CRISPLD2: variants seen among roughly 807,000 people sequenced by gnomAD.
CRISPLD2 encodes the protein cysteine rich secretory protein LCCL domain containing 2.
CRISPLD2 carries 47 observed loss-of-function variants against 71.1 expected under a neutral mutation model. The ratio of observed to expected loss-of-function variants is 0.66; its 90% CI spans 0.52 to 0.84. The LOEUF (loss-of-function observed/expected upper bound fraction) is 0.84, where lower values mean the gene tolerates loss of function less well. CRISPLD2 is among the 40% of genes least tolerant of loss of function. CRISPLD2 has a pLI of 0.00. For missense variants in CRISPLD2, 830 were observed against 651.1 expected (o/e 1.27, Z -2.99); for synonymous variants, 317 against 250.1 (o/e 1.27, Z -2.52).
intron 5 of CRISPLD2, among the ~76,000 whole-genome samples, chr16:84,852,791 C>T (rs894667301): frequency 5.9e-5 from 9 of 152,092 alleles, no homozygotes; most frequent in African/African-American, 1.9e-4. Context: ...GGAGACTGGC[C>T]AGTGCGGTGG....
intron 13 of CRISPLD2, among the ~76,000 whole-genome samples, chr16:84,887,504 C>G (rs763566176): frequency 6.6e-6 from 1 of 152,228 alleles, no homozygotes; most frequent in Admixed American, 6.5e-5. Flanking sequence ...GGGGACTGAT[C>G]AGGCGAGTCC....
In CRISPLD2 at chr16:84,850,087, T is replaced by C. The variant is rs543532682; in HGVS notation, c.493-481T>C. On this transcript the variant is annotated intron_variant, in intron 4 of 14. Transcript: ENST00000262424. ...TTTTCATTGTGTGGGAGTCTGTTTG[T>C]TTGCTTGCTTTTTTTTTTTTTGAAA... Among the ~76,000 whole-genome samples the C allele has an allele frequency of 5.6e-3, 632 of 113,066 alleles. 4 individuals are homozygous for C. The highest frequency in any genetic ancestry group is 0.017 in the African/African-American group (597 of 34,616). The allele number at this position is 113,066 out of a possible 152,430, so 74.2% of individuals were successfully genotyped here.
chr16:84,853,766 G>A (rs750923210), intron 5 of CRISPLD2, among the ~76,000 whole-genome samples: 15 of 152,230 alleles, frequency 9.9e-5, no homozygotes, highest in South Asian at 2.1e-4. Context: ...GTCAGGTGCC[G>A]GTCCAAGGGC....
intron 13 of CRISPLD2, among the ~76,000 whole-genome samples, chr16:84,885,401 T>C (rs1158327181): frequency 6.6e-6 from 1 of 152,248 alleles, no homozygotes; most frequent in Non-Finnish European, 1.5e-5. Flanking sequence ...TGAGAAGTTG[T>C]GGATCTTTCC....
chr16:84,906,514 C>T, intron 14 of CRISPLD2, 74 bp from the exon 15 acceptor site: 1 of 1,540,950 alleles, frequency 6.5e-7, no homozygotes. Context: ...CCCAGGTCTC[C>T]CTGCCCACCC....
intron 6 of CRISPLD2, among the ~76,000 whole-genome samples, chr16:84,865,141 C>G (rs1443360399): frequency 6.6e-6 from 1 of 151,956 alleles, no homozygotes; most frequent in Non-Finnish European, 1.5e-5. Context: ...TTGAGGAACA[C>G]CTGATGAAAC....
chr16:84,883,842 ATTTT>A (rs11371326), intron 13 of CRISPLD2, among the ~76,000 whole-genome samples: 1 of 133,110 alleles, frequency 7.5e-6, no homozygotes, highest in African/African-American at 2.8e-5. Flanking sequence ...GTCTTATTTA[ATTTT>A]TTTTTTTTTT....
chr16:84,870,469 G>A (rs28698891), intron 8 of CRISPLD2, among the ~76,000 whole-genome samples: 3,210 of 152,014 alleles, frequency 0.021, 112 homozygotes, highest in African/African-American at 0.074. Context: ...ACAGGCACAC[G>A]CCACCATGCC....
In CRISPLD2 at chr16:84,848,889, G is replaced by A. The variant is rs540521735; in HGVS notation, c.360-496G>A. On this transcript the variant is annotated intron_variant, in intron 3 of 14. Coordinates refer to ENST00000262424, the MANE Select transcript of CRISPLD2 (RefSeq NM_031476.4). ...AAGGACTCATTACTTGGGAGGCTGA[G>A]GCAGGAGAATGGCGTGAACCCGGGA... Among the ~76,000 whole-genome samples the A allele has an allele frequency of 1.8e-3, 270 of 151,512 alleles. 3 individuals carry two copies. Among genetic ancestry groups the A allele is most frequent in the African/African-American group, 6.2e-3 (258 of 41,376 alleles).
chr16:84,906,621 G>A lies in CRISPLD2; in HGVS notation c.1473G>A (p.Arg491=), dbSNP rs1567709775. 2 of 1,613,898 alleles carry A rather than the reference G, an allele frequency of 1.2e-6. No individual in the cohort carries two copies. Among genetic ancestry groups the A allele is most frequent in the Non-Finnish European group, 8.5e-7 (1 of 1,180,046 alleles). ...LGTPRDGKAF[R]IFAVRQ The stretch of plus-strand genomic sequence containing the variant: ...CTCCTCGGGATGGAAAGGCCTTCCG[G>A]ATCTTTGCTGTCAGGCAGTGAATTT... Residue 491 remains arginine, a synonymous_variant, in exon 15 of 15, where the codon CGG becomes CGA. Transcript: ENST00000262424.
chr16:84,896,185 C>A (rs568197388), intron 14 of CRISPLD2, among the ~76,000 whole-genome samples: 14 of 151,912 alleles, frequency 9.2e-5, no homozygotes, highest in Non-Finnish European at 1.9e-4. Context: ...TTACAGGCAC[C>A]CGCCACCACA....
intron 14 of CRISPLD2, among the ~76,000 whole-genome samples, chr16:84,892,074 A>G (rs1377449174): frequency 1.3e-5 from 2 of 152,142 alleles, no homozygotes; most frequent in Non-Finnish European, 1.5e-5. Context: ...GCTTGGGTTC[A>G]GCTTTTCTGT....
intron 11 of CRISPLD2, among the ~76,000 whole-genome samples, chr16:84,874,818 C>G (rs1179901686): frequency 2.0e-5 from 3 of 152,196 alleles, no homozygotes; most frequent in Non-Finnish European, 4.4e-5. Flanking sequence ...ATCGTGAACA[C>G]TTTGGCAAAT....
At chr16:84,865,522 A>C (rs1421471850) in intron 6 of CRISPLD2, among the ~76,000 whole-genome samples, 1 of 152,176 alleles carries the variant, frequency 6.6e-6, no homozygotes, top group East Asian at 1.9e-4. Flanking sequence ...ATTCTCCTTG[A>C]AATTGTTTTC....
intron 8 of CRISPLD2, among the ~76,000 whole-genome samples, chr16:84,869,864 G>A (rs1460347464): frequency 4.6e-5 from 7 of 152,382 alleles, no homozygotes; most frequent in Non-Finnish European, 2.9e-5. Context: ...GTAGTACTCA[G>A]TGGAAAAAGG....
At chr16:84,895,246 G>A (rs921004709) in intron 14 of CRISPLD2, among the ~76,000 whole-genome samples, 1 of 152,130 alleles carries the variant, frequency 6.6e-6, no homozygotes, top group Non-Finnish European at 1.5e-5. Flanking sequence ...GCAGAGCTGG[G>A]ACTCAAACCT....
chr16:84,859,505 G>A (rs1002492979), intron 6 of CRISPLD2, among the ~76,000 whole-genome samples: 14 of 152,316 alleles, frequency 9.2e-5, no homozygotes, highest in South Asian at 2.1e-4. Flanking sequence ...TGTCAGTAGC[G>A]TAGTGGGGTC....
chr16:84,838,751 G>C lies in CRISPLD2; in HGVS notation c.240+16G>C, dbSNP rs576094126. The C allele has an allele frequency of 6.2e-7, 1 of 1,605,306 alleles. No homozygotes were observed. Among genetic ancestry groups the C allele is most frequent in the South Asian group, 1.1e-5 (1 of 90,540 alleles). On this transcript the variant is annotated intron_variant, in intron 2 of 14. Transcript: ENST00000262424. ...GGAGTACATGGTGAGCGCCGGCTCCGGCCGCAGAGGCTGGCACCGGGGGTG... is the reference window on the plus strand; with the variant it reads ...GGAGTACATGGTGAGCGCCGGCTCCCGCCGCAGAGGCTGGCACCGGGGGTG...
At position 84,874,535 on chromosome 16, in the gene CRISPLD2, G is replaced by A. The variant is rs9934988; in HGVS notation, c.1156+572G>A. On this transcript the variant is annotated intron_variant, in intron 11 of 14. Transcript: ENST00000262424. ...GATGGATCATAGCTGCCCACACTGTGCCCTTGACTAGAATAATCTCAGGCA... is the reference window on the plus strand; with the variant it reads ...GATGGATCATAGCTGCCCACACTGTACCCTTGACTAGAATAATCTCAGGCA... Among the ~76,000 whole-genome samples, 1,058 of 152,298 alleles carry A rather than the reference G, an allele frequency of 6.9e-3. 15 individuals are homozygous for A. The highest frequency in any genetic ancestry group is 0.024 in the African/African-American group (994 of 41,552).
Sources: allele counts gnomAD v4.1 joint callset (sites outside exome capture counted in the v4.1 genomes callset), GRCh38; gene constraint gnomAD v4.1.1; transcripts MANE v1.5; gene names NCBI Gene and HGNC (gene_info 2026-07-23, HGNC 2026-07-21).